The following SDK1 variants were observed in gnomAD, a reference collection of about 807,000 sequenced individuals.
The protein encoded by SDK1 is sidekick cell adhesion molecule 1, also known as protein sidekick-1.
In SDK1, 157 loss-of-function variants were observed where a neutral mutation model predicts 245.5. The ratio of observed to expected loss-of-function variants is 0.64; its 90% CI spans 0.56 to 0.73. The LOEUF (loss-of-function observed/expected upper bound fraction) is 0.73, where lower values mean the gene tolerates loss of function less well. SDK1 is among the 30% of genes least tolerant of loss of function. SDK1 has a pLI of 0.00. For synonymous variants in SDK1, 1,647 were observed against 1,278.5 expected, an observed-to-expected ratio of 1.29 and a Z score of -6.15; for missense variants, 3,583 against 3,002.3, an observed-to-expected ratio of 1.19 and a Z score of -4.52.
rs376376960 is a variant in SDK1 at position 4,224,709 on chromosome 7, A to G, written c.5827+3345A>G. Among the ~76,000 whole-genome samples the G allele has an allele frequency of 1.6e-4, 24 of 152,208 alleles. 1 individual carries two copies. The highest frequency in any genetic ancestry group is 1.0e-3 in the Admixed American group (16 of 15,280). Reference sequence around the variant, plus strand: ...CACAGGGACCCATGGTGCCGAGAGCAGATTAAAAAGCCTGTAATCCCAGCA... The same window carrying G: ...CACAGGGACCCATGGTGCCGAGAGCGGATTAAAAAGCCTGTAATCCCAGCA... On this transcript the variant is annotated intron_variant, in intron 40 of 44. Transcript: ENST00000404826.
chr7:3,893,523 G>A (rs923673876), intron 5 of SDK1, among the ~76,000 whole-genome samples: 1 of 151,782 alleles, frequency 6.6e-6, no homozygotes, highest in Admixed American at 6.6e-5. Flanking sequence ...TACCTTCTGG[G>A]TCATCCCGTA....
chr7:3,474,643 C>G (rs756050330), intron 1 of SDK1, among the ~76,000 whole-genome samples: 2 of 152,154 alleles, frequency 1.3e-5, no homozygotes, highest in Non-Finnish European at 2.9e-5. Context: ...CTTTCCACCT[C>G]TAATGTCATC....
chr7:4,175,988 C>A (rs1015186227), intron 34 of SDK1, among the ~76,000 whole-genome samples, 154 bp downstream of exon 34: 7 of 152,160 alleles, frequency 4.6e-5, no homozygotes, highest in African/African-American at 1.7e-4. Context: ...TACCAAACCA[C>A]CAGGGAGATA....
intron 1 of SDK1, among the ~76,000 whole-genome samples, chr7:3,431,039 T>C (rs1779830783): frequency 6.6e-6 from 1 of 152,184 alleles, no homozygotes; most frequent in Admixed American, 6.5e-5. Context: ...TAGCTGAGAC[T>C]ACAGGCACAT....
chr7:4,014,912 G>T (rs1414959319), intron 16 of SDK1, among the ~76,000 whole-genome samples: 1 of 152,156 alleles, frequency 6.6e-6, no homozygotes, highest in Non-Finnish European at 1.5e-5. Context: ...TTCCGGAGGG[G>T]AGCGCAGGCT....
Position 3,302,980 on chromosome 7 carries a change from A to G in SDK1, c.298+1096A>G, listed in dbSNP as rs547454849. The stretch of plus-strand genomic sequence containing the variant: ...GTAACATTTTAAAGGTCTGAGCTCA[A>G]AACTATCATCCAATAGCTTAACAAC... On this transcript the variant is annotated intron_variant, in intron 1 of 44. Coordinates refer to ENST00000404826, the MANE Select transcript of SDK1 (RefSeq NM_152744.4). 3.9e-5 allele frequency among the ~76,000 whole-genome samples: 6 copies of G among 152,112 alleles called. No homozygotes were observed. In the South Asian group the frequency reaches 6.2e-4, roughly 16 times the overall value.
chr7:4,092,565 G>A (rs1781876662), intron 22 of SDK1, among the ~76,000 whole-genome samples: 1 of 152,206 alleles, frequency 6.6e-6, no homozygotes, highest in East Asian at 1.9e-4. Flanking sequence ...AGACTCCAGG[G>A]CTGCCTCTCA....
intron 1 of SDK1, among the ~76,000 whole-genome samples, chr7:3,557,723 A>G (rs1244254981): frequency 3.3e-5 from 5 of 152,272 alleles, no homozygotes; most frequent in African/African-American, 4.8e-5. Flanking sequence ...ATTACATCCT[A>G]TAACTTGCAT....
intron 1 of SDK1, among the ~76,000 whole-genome samples, chr7:3,477,921 C>T (rs1781396914): frequency 6.6e-6 from 1 of 152,176 alleles, no homozygotes; most frequent in Admixed American, 6.5e-5. Context: ...TGAATCCTTA[C>T]ATACAGTGTT....
At position 3,984,047 on chromosome 7, in the gene SDK1, A is replaced by G. The variant is rs532411391; in HGVS notation, c.1995-3139A>G. Among the ~76,000 whole-genome samples, 54 of 152,300 alleles carry G rather than the reference A, an allele frequency of 3.5e-4. 1 individual carries two copies. The South Asian group carries it at 8.7e-3, about 25-fold the overall frequency. On this transcript the variant is annotated intron_variant, in intron 13 of 44. Transcript: ENST00000404826. Reference sequence around the variant, plus strand: ...TTTTAATCTTTTAAAAAATCTTTTTACATCCCTCAATCTCAGGCTGTTGCG... The same window carrying G: ...TTTTAATCTTTTAAAAAATCTTTTTGCATCCCTCAATCTCAGGCTGTTGCG...
intron 1 of SDK1, among the ~76,000 whole-genome samples, chr7:3,405,911 C>T (rs1228088266): frequency 6.7e-6 from 1 of 148,722 alleles, no homozygotes; most frequent in Non-Finnish European, 1.5e-5. Context: ...CTCCCAGGTT[C>T]AAGTGATTCT....
intron 40 of SDK1, among the ~76,000 whole-genome samples, chr7:4,226,311 C>T (rs1057419427): frequency 1.3e-5 from 2 of 152,178 alleles, no homozygotes; most frequent in East Asian, 1.9e-4. Flanking sequence ...CCCACGTGGT[C>T]GGCTCGGCCT....
At chr7:3,396,558 A>C (rs1781900981) in intron 1 of SDK1, among the ~76,000 whole-genome samples, 1 of 151,836 alleles carries the variant, frequency 6.6e-6, no homozygotes, top group South Asian at 2.1e-4. Context: ...CTGCATACAT[A>C]TTTATAAATT....
chr7:3,412,524 C>T (rs1382045305), intron 1 of SDK1, among the ~76,000 whole-genome samples: 2 of 152,208 alleles, frequency 1.3e-5, no homozygotes, highest in Non-Finnish European at 2.9e-5. Flanking sequence ...TAACCAGTCT[C>T]TTGTTCATGG....
chr7:3,447,878 A>AT (rs1780392365), intron 1 of SDK1, among the ~76,000 whole-genome samples: 1 of 151,452 alleles, frequency 6.6e-6, no homozygotes, highest in East Asian at 1.9e-4. Flanking sequence ...CTAATTTCGT[A>AT]TTTTTAGTAG....
intron 31 of SDK1, among the ~76,000 whole-genome samples, chr7:4,161,138 G>A (rs796443572): frequency 3.0e-4 from 45 of 152,252 alleles, no homozygotes; most frequent in African/African-American, 9.9e-4. Flanking sequence ...CAGGGAAGAG[G>A]GGCACAGAAG....
intron 5 of SDK1, among the ~76,000 whole-genome samples, chr7:3,823,277 G>A (rs1779691609): frequency 6.6e-6 from 1 of 152,104 alleles, no homozygotes; most frequent in Non-Finnish European, 1.5e-5. Context: ...AACTTTACAG[G>A]TAGAGCCATT....
At chr7:4,139,940 G>C (rs1465114577) in intron 28 of SDK1, among the ~76,000 whole-genome samples, 6 of 152,102 alleles carry the variant, frequency 3.9e-5, no homozygotes, top group Non-Finnish European at 7.4e-5. Context: ...CAGGGCCCCA[G>C]GCCTCCCTGA....
rs116977819 is a variant in SDK1, at chr7:3,481,365, T to G, written c.299-137715T>G. Reference sequence around the variant, plus strand: ...CATATCATCCTGGTACAGTTTCGTTTATTGAGTGTGATAGATTTAAAAAAG... The same window carrying G: ...CATATCATCCTGGTACAGTTTCGTTGATTGAGTGTGATAGATTTAAAAAAG... On this transcript the variant is annotated intron_variant, in intron 1 of 44. Transcript: ENST00000404826. Among the ~76,000 whole-genome samples the G allele has an allele frequency of 8.9e-4, 135 of 152,310 alleles. 3 individuals are homozygous for G. The East Asian group carries it at 0.023, about 26-fold the overall frequency.
Sources: allele counts gnomAD v4.1 joint callset (sites outside exome capture counted in the v4.1 genomes callset), GRCh38; gene constraint gnomAD v4.1.1; transcripts MANE v1.5; gene names NCBI Gene and HGNC (gene_info 2026-07-23, HGNC 2026-07-21).